EEF2K: variants seen among roughly 807,000 people sequenced by gnomAD.
EEF2K encodes eukaryotic elongation factor 2 kinase.
EEF2K carries 70 observed loss-of-function variants against 93.8 expected under a neutral mutation model. The observed-to-expected ratio is 0.75, with a 90% CI of 0.62 to 0.91. EEF2K has a LOEUF of 0.91. Ranked by LOEUF, EEF2K falls within the 40% of genes least tolerant of loss-of-function variation. The probability of loss-of-function intolerance (pLI) is 0.00; values close to 1 mark genes in which losing one functional copy is unlikely to be tolerated. For synonymous variants in EEF2K, 376 were observed against 380.8 expected (o/e 0.99, Z 0.15); for missense variants, 935 against 972.9 (o/e 0.96, Z 0.52).
chr16:22,271,413 G>A (rs1306210391), intron 15 of EEF2K, among the ~76,000 whole-genome samples: 1 of 152,068 alleles, frequency 6.6e-6, no homozygotes, highest in Non-Finnish European at 1.5e-5. Flanking sequence ...AGTAGGCTGG[G>A]CATGGTGGCT....
rs770596342 is a variant in EEF2K at position 22,258,479 on chromosome 16, T to C, written c.1030-15T>C. On this transcript the variant is annotated splice_polypyrimidine_tract_variant and intron_variant, in intron 9 of 17. Coordinates refer to ENST00000263026, the MANE Select transcript of EEF2K (RefSeq NM_013302.5). ...GGTGTGTGCGTGACATGAGTATCCCTATTAATGTCCCTAGCAATCAGCCAA... is the reference window on the plus strand; with the variant it reads ...GGTGTGTGCGTGACATGAGTATCCCCATTAATGTCCCTAGCAATCAGCCAA... 3.1e-6 allele frequency: 5 copies of C among 1,613,612 alleles called. No homozygotes were observed. The highest frequency in any genetic ancestry group is 4.2e-6 in the Non-Finnish European group (5 of 1,179,786).
chr16:22,271,704 CA>C (rs562881021), intron 15 of EEF2K, among the ~76,000 whole-genome samples: 34 of 136,610 alleles, frequency 2.5e-4, no homozygotes, highest in Admixed American at 3.7e-4. Flanking sequence ...GACCCTGTCT[CA>C]AAAAAAAAAA....
intron 17 of EEF2K, among the ~76,000 whole-genome samples, chr16:22,282,647 C>T (rs61523140): frequency 0.046 from 6,992 of 152,312 alleles, 541 homozygotes; most frequent in African/African-American, 0.16. Context: ...GTCTCTTGCT[C>T]TTTGCCTTCT....
chr16:22,232,407 T>G (rs1308690604), intron 2 of EEF2K, among the ~76,000 whole-genome samples: 1 of 151,940 alleles, frequency 6.6e-6, no homozygotes, highest in Non-Finnish European at 1.5e-5. Flanking sequence ...CTTAATTTTT[T>G]TTTGGAACGA....
intron 2 of EEF2K, among the ~76,000 whole-genome samples, chr16:22,235,003 C>T (rs887363135): frequency 1.3e-5 from 2 of 150,702 alleles, no homozygotes. Flanking sequence ...GCCTCAGCCT[C>T]CTGAGTAGCT....
At chr16:22,218,910 G>A (rs79478063) in intron 1 of EEF2K, among the ~76,000 whole-genome samples, 2,625 of 146,402 alleles carry the variant, frequency 0.018, 85 homozygotes, top group African/African-American at 0.063. Context: ...TGGATCACTT[G>A]AGGGCAGGAG....
chr16:22,220,882 A>G (rs1375233627), intron 1 of EEF2K, among the ~76,000 whole-genome samples: 1 of 152,192 alleles, frequency 6.6e-6, no homozygotes, highest in East Asian at 1.9e-4. Flanking sequence ...AGCTCCTGGC[A>G]CCACGCCGTG....
chr16:22,249,313 AG>A (rs977863029), intron 4 of EEF2K, among the ~76,000 whole-genome samples: 3 of 151,938 alleles, frequency 2.0e-5, no homozygotes, highest in Non-Finnish European at 4.4e-5. Flanking sequence ...AAAAAAAAAA[AG>A]ATAAAAGACT....
intron 11 of EEF2K, among the ~76,000 whole-genome samples, chr16:22,261,882 G>A (rs1157544786): frequency 6.6e-6 from 1 of 151,646 alleles, no homozygotes; most frequent in Non-Finnish European, 1.5e-5. Flanking sequence ...GCATGTGCCT[G>A]TAATTCCAGC....
intron 2 of EEF2K, 54 bp downstream of exon 2, chr16:22,226,029 T>A: frequency 4.4e-6 from 7 of 1,591,634 alleles, no homozygotes; most frequent in Middle Eastern, 1.7e-4. Context: ...CTGTAAGGGA[T>A]GGAGGGTTGG....
At chr16:22,218,300 C>T (rs2046977720) in intron 1 of EEF2K, among the ~76,000 whole-genome samples, 1 of 152,200 alleles carries the variant, frequency 6.6e-6, no homozygotes, top group African/African-American at 2.4e-5. Context: ...TAGTCAAGGG[C>T]GTGTGGGTTG....
At chr16:22,239,416 G>A in intron 2 of EEF2K, among the ~76,000 whole-genome samples, 1 of 152,198 alleles carries the variant, frequency 6.6e-6, no homozygotes, top group Non-Finnish European at 1.5e-5. Context: ...AGGGTGGCCT[G>A]CTGAATTCTC....
intron 1 of EEF2K, among the ~76,000 whole-genome samples, chr16:22,207,461 T>A (rs2142096058): frequency 6.6e-6 from 1 of 152,284 alleles, no homozygotes; most frequent in Admixed American, 6.5e-5. Flanking sequence ...TCATTTATGC[T>A]CTCTGGCCCT....
chr16:22,222,819 G>T (rs1389988152), intron 1 of EEF2K, among the ~76,000 whole-genome samples: 1 of 151,888 alleles, frequency 6.6e-6, no homozygotes, highest in East Asian at 1.9e-4. Flanking sequence ...GGGGGTGGAG[G>T]TTACAGTGAG....
At chr16:22,218,508 A>C (rs2046980848) in intron 1 of EEF2K, among the ~76,000 whole-genome samples, 1 of 152,142 alleles carries the variant, frequency 6.6e-6, no homozygotes, top group South Asian at 2.1e-4. Context: ...CCTTGACCTG[A>C]GCATTGCAGG....
Position 22,248,744 on chromosome 16 carries a change from G to C in EEF2K, c.348-11G>C, listed in dbSNP as rs371215491. 1 of 1,613,658 alleles carries C rather than the reference G, an allele frequency of 6.2e-7. No homozygotes were observed. The highest frequency in any genetic ancestry group is 1.3e-5 in the African/African-American group (1 of 74,886). Reference sequence around the variant, plus strand: ...TGGACGCTGTGCCCCATGGTGGATGGGTCTCTGCAGGTACAACGCCGTCAC... The same window carrying C: ...TGGACGCTGTGCCCCATGGTGGATGCGTCTCTGCAGGTACAACGCCGTCAC... On this transcript the variant is annotated splice_polypyrimidine_tract_variant and intron_variant, in intron 3 of 17. Transcript: ENST00000263026.
chr16:22,223,550 A>G (rs1406383052), intron 1 of EEF2K, among the ~76,000 whole-genome samples: 2 of 152,176 alleles, frequency 1.3e-5, no homozygotes, highest in African/African-American at 4.8e-5. Context: ...GAAGGGGATC[A>G]ACTTCATTTT....
intron 1 of EEF2K, among the ~76,000 whole-genome samples, chr16:22,220,451 T>TTG (rs976375139): frequency 3.6e-4 from 54 of 151,326 alleles, no homozygotes; most frequent in African/African-American, 1.3e-3. Context: ...TGCTTTTTTT[T>TTG]TTGTTTTTTG....
At position 22,287,746 on chromosome 16, in the gene EEF2K, C is replaced by G. The variant is rs1033121527; in HGVS notation, c.*3750C>G. 6 of 152,130 alleles carry G rather than the reference C, an allele frequency of 3.9e-5. No homozygotes were observed. The highest frequency in any genetic ancestry group is 8.8e-5 in the Non-Finnish European group (6 of 68,040). The allele number at this position is 152,130 out of a possible 1,614,324, so 9.4% of individuals were successfully genotyped here. ...CAGTGTTCCTGAATATCTGTTCTCC[C>G]CCTGACCACTCTGGGAATTTATCAA... On this transcript the variant is annotated 3_prime_UTR_variant, in exon 18 of 18. Coordinates refer to ENST00000263026, the MANE Select transcript of EEF2K (RefSeq NM_013302.5).
Sources: gnomAD v4.1 joint callset for allele counts (sites outside exome capture counted in the v4.1 genomes callset) on GRCh38, gnomAD v4.1.1 for gene constraint, MANE v1.5 for transcripts, NCBI Gene and HGNC (gene_info 2026-07-23, HGNC 2026-07-21) for gene names.